CAMTA1: variants seen among roughly 807,000 people sequenced by gnomAD.
The protein encoded by CAMTA1 is calmodulin binding transcription activator 1.
A neutral mutation model predicts 170.9 loss-of-function variants in CAMTA1; 27 were observed. The observed-to-expected ratio is 0.16, with a 90% CI of 0.12 to 0.22. The LOEUF (loss-of-function observed/expected upper bound fraction) is 0.22. CAMTA1 is among the 10% of genes least tolerant of loss of function. The pLI is 1.00. For synonymous variants in CAMTA1, 833 were observed against 891.5 expected, an observed-to-expected ratio of 0.93 and a Z score of 1.17; for missense variants, 1,619 against 2,217.2, an observed-to-expected ratio of 0.73 and a Z score of 5.42.
At chr1:7,556,089 A>AT (rs1254244022) in intron 6 of CAMTA1, among the ~76,000 whole-genome samples, 1 of 152,150 alleles carries the variant, frequency 6.6e-6, no homozygotes, top group Non-Finnish European at 1.5e-5. Context: ...CAGAGCCTCT[A>AT]TTGTGGTTTT....
At chr1:7,608,618 TTG>T (rs2095502756) in intron 6 of CAMTA1, among the ~76,000 whole-genome samples, 1 of 152,328 alleles carries the variant, frequency 6.6e-6, no homozygotes, top group East Asian at 1.9e-4. Flanking sequence ...CCCATTTGGC[TTG>T]TGTCTGTCCC....
chr1:7,326,457 A>C (rs2082683209), intron 5 of CAMTA1, among the ~76,000 whole-genome samples: 1 of 152,222 alleles, frequency 6.6e-6, no homozygotes, highest in Non-Finnish European at 1.5e-5. Context: ...ATTTAAAAAT[A>C]AGGTCTTTGT....
At chr1:7,070,460 T>C (rs1322067546) in intron 3 of CAMTA1, among the ~76,000 whole-genome samples, 7 of 152,234 alleles carry the variant, frequency 4.6e-5, no homozygotes, top group African/African-American at 1.7e-4. Flanking sequence ...CGCTGTTGTC[T>C]TCCCGCAGCG....
At chr1:7,187,364 C>T (rs1653579465) in intron 4 of CAMTA1, among the ~76,000 whole-genome samples, 1 of 151,978 alleles carries the variant, frequency 6.6e-6, no homozygotes, top group Non-Finnish European at 1.5e-5. Flanking sequence ...ACTTTTATGC[C>T]CAAGCTCATT....
At chr1:7,408,553 A>T (rs2149245554) in intron 5 of CAMTA1, among the ~76,000 whole-genome samples, 1 of 152,208 alleles carries the variant, frequency 6.6e-6, no homozygotes, top group African/African-American at 2.4e-5. Flanking sequence ...GGTAGGGAGG[A>T]GGAAGCCACC....
At chr1:6,999,666 C>T (rs1251281266) in intron 3 of CAMTA1, among the ~76,000 whole-genome samples, 1 of 152,078 alleles carries the variant, frequency 6.6e-6, no homozygotes, top group Non-Finnish European at 1.5e-5. Flanking sequence ...TATACCGTAC[C>T]CGGCCGGGTC....
chr1:6,872,162 C>T (rs1020774012), intron 3 of CAMTA1: 2 of 214,138 alleles, frequency 9.3e-6, no homozygotes, highest in Non-Finnish European at 1.7e-5. Context: ...CCCAGGACAC[C>T]CATACCTCTT....
chr1:7,347,084 G>C (rs2084277143), intron 5 of CAMTA1, among the ~76,000 whole-genome samples: 2 of 152,230 alleles, frequency 1.3e-5, no homozygotes, highest in African/African-American at 4.8e-5. Flanking sequence ...ATGGTGAAGA[G>C]ATTCTGAGCT....
Position 7,091,363 on chromosome 1 carries a change from T to G in CAMTA1, c.294T>G (p.Pro98=). 6.2e-7 allele frequency: 1 copy of G among 1,610,872 alleles called. No homozygotes were observed. Among genetic ancestry groups the G allele is most frequent in the Non-Finnish European group, 8.5e-7 (1 of 1,177,022 alleles). Reference sequence around the variant, plus strand: ...ACGAAGAATGGCTAACCACCTCCCCTAAGACAAGGTAATGTCCCAGATCTT... The same window carrying G: ...ACGAAGAATGGCTAACCACCTCCCCGAAGACAAGGTAATGTCCCAGATCTT... ...EKHEEWLTTS[P]KTRPQNGSMI... is the part of the protein sequence containing the mutation. The change falls in exon 4 of 23, where the codon CCT becomes CCG. Residue 98 remains proline (P), a synonymous_variant. Transcript: ENST00000303635.
intron 4 of CAMTA1, among the ~76,000 whole-genome samples, chr1:7,246,249 GATA>G (rs1157517307): frequency 1.3e-5 from 2 of 152,212 alleles, no homozygotes; most frequent in African/African-American, 4.8e-5. Context: ...TGCTGGGAAT[GATA>G]ATAATACCTA....
intron 3 of CAMTA1, among the ~76,000 whole-genome samples, chr1:6,899,777 T>C (rs917638107): frequency 6.6e-6 from 1 of 152,198 alleles, no homozygotes; most frequent in Non-Finnish European, 1.5e-5. Flanking sequence ...TGGAAGAAAA[T>C]CACGTGGTGG....
rs2096216004 is a variant in CAMTA1 at position 7,682,369 on chromosome 1, GAA to G, written c.2914+4637_2914+4638del. Reference sequence around the variant, plus strand: ...GCCTGGCCCTGGGGTAGGTGTCTGGGAAGACTGAGAGCCTCGCTCCTGTCTAA... The same window carrying G: ...GCCTGGCCCTGGGGTAGGTGTCTGGGGACTGAGAGCCTCGCTCCTGTCTAA... On this transcript the variant is annotated intron_variant, in intron 11 of 22. Transcript: ENST00000303635. The surrounding 1 kb of genome is among the most constrained non-coding windows in gnomAD (Gnocchi z 5.0). Among the ~76,000 whole-genome samples, 1 of 152,248 alleles carries G rather than the reference GAA, an allele frequency of 6.6e-6. No individual in the cohort carries two copies. The highest frequency in any genetic ancestry group is 1.5e-5 in the Non-Finnish European group (1 of 68,050).
chr1:7,567,735 G>A (rs1189791650), intron 6 of CAMTA1, among the ~76,000 whole-genome samples: 1 of 151,284 alleles, frequency 6.6e-6, no homozygotes, highest in Admixed American at 6.6e-5. Flanking sequence ...CAAGATGCTG[G>A]GGTGATTCAG....
chr1:6,901,090 A>G (rs1359409127), intron 3 of CAMTA1, among the ~76,000 whole-genome samples: 2 of 152,246 alleles, frequency 1.3e-5, no homozygotes, highest in Admixed American at 1.3e-4. Context: ...ACAGATCCAC[A>G]CATAGATGCT....
At position 7,584,001 on chromosome 1, in the gene CAMTA1, G is replaced by A. The variant is rs137886833; in HGVS notation, c.511-56399G>A. 6.0e-3 allele frequency among the ~76,000 whole-genome samples: 908 copies of A among 152,272 alleles called. 10 individuals are homozygous for A. The highest frequency in any genetic ancestry group is 0.021 in the African/African-American group (868 of 41,546). On this transcript the variant is annotated intron_variant, in intron 6 of 22. Transcript: ENST00000303635. ...GATGAGCTGGGATGGAGAATGGGGC[G>A]TCCATGGCATTCTGCTCAGAGAGGG...
At chr1:7,087,885 A>G (rs1031422689) in intron 3 of CAMTA1, among the ~76,000 whole-genome samples, 14 of 152,168 alleles carry the variant, frequency 9.2e-5, no homozygotes, top group African/African-American at 3.4e-4. Context: ...GCTCCATGCC[A>G]TTTAGCACCA....
chr1:7,408,048 C>CA (rs1442373378), intron 5 of CAMTA1, among the ~76,000 whole-genome samples: 1 of 152,182 alleles, frequency 6.6e-6, no homozygotes, highest in Non-Finnish European at 1.5e-5. Flanking sequence ...GCAGGCCTGG[C>CA]ACCGGCCACG....
At position 7,547,260 on chromosome 1, in the gene CAMTA1, T is replaced by C. The variant is rs1330555009; in HGVS notation, c.510+79359T>C. 6.6e-6 allele frequency among the ~76,000 whole-genome samples: 1 copy of C among 152,004 alleles called. No homozygotes were observed. The highest frequency in any genetic ancestry group is 1.5e-5 in the Non-Finnish European group (1 of 68,024). On this transcript the variant is annotated intron_variant, in intron 6 of 22. Coordinates refer to ENST00000303635, the MANE Select transcript of CAMTA1 (RefSeq NM_015215.4). The surrounding 1 kb of genome is among the most constrained non-coding windows in gnomAD (Gnocchi z 5.7). ...CCTGGTTTCTTTTAGTGGAAAGTGGTGTTTAGAAGCCAAGATCTGGGCCTG... is the reference window on the plus strand; with the variant it reads ...CCTGGTTTCTTTTAGTGGAAAGTGGCGTTTAGAAGCCAAGATCTGGGCCTG...
intron 5 of CAMTA1, among the ~76,000 whole-genome samples, chr1:7,352,374 A>C (rs114736685): frequency 0.013 from 1,964 of 152,258 alleles, 31 homozygotes; most frequent in African/African-American, 0.044. Flanking sequence ...CCCCCTAGAA[A>C]GGGTAATTGG....
Sources: allele counts gnomAD v4.1 joint callset (sites outside exome capture counted in the v4.1 genomes callset), GRCh38; gene constraint gnomAD v4.1.1; non-coding constraint Gnocchi (gnomAD v3.1); transcripts MANE v1.5; gene names NCBI Gene and HGNC (gene_info 2026-07-23, HGNC 2026-07-21).